Variants in C11orf21 observed in about 807,000 individuals in gnomAD.
C11orf21 encodes chromosome 11 open reading frame 21.
In C11orf21, 19 loss-of-function variants were observed where a neutral mutation model predicts 15.2. The ratio of observed to expected loss-of-function variants is 1.25; its 90% confidence interval spans 0.87 to 1.84. The LOEUF (loss-of-function observed/expected upper bound fraction) is 1.84. Among genes scored for constraint, C11orf21 ranks in the 40% most tolerant of loss-of-function variants. The pLI is 0.00. For synonymous variants in C11orf21, 62 were observed against 66.8 expected (o/e 0.93, Z 0.35); for missense variants, 171 against 174.4 (o/e 0.98, Z 0.11).
chr11:2,301,956 C>A, upstream of C11orf21: 1 of 1,499,048 alleles, frequency 6.7e-7, no homozygotes, highest in South Asian at 1.3e-5. Flanking sequence ...GAGCCAACCT[C>A]ACTGCCCCTC....
chr11:2,300,755 G>A (rs567409115), intron 1 of C11orf21, 142 bp from the exon 2 acceptor site: 1 of 1,550,862 alleles, frequency 6.4e-7, no homozygotes, highest in East Asian at 2.4e-5. Flanking sequence ...GGTCAAGGTT[G>A]GAGAGAGACA....
Position 2,300,627 on chromosome 11 carries a change from G to T in C11orf21, c.54-14C>A, listed in dbSNP as rs926889211. 56 of 1,550,584 alleles carry T rather than the reference G, an allele frequency of 3.6e-5. No homozygotes were observed. The highest frequency in any genetic ancestry group is 4.5e-5 in the Non-Finnish European group (52 of 1,146,850). On this transcript the variant is annotated splice_polypyrimidine_tract_variant and intron_variant, in intron 1 of 3. Coordinates refer to ENST00000381153, the MANE Select transcript of C11orf21 (RefSeq NM_001329958.2). ...CTGGGCACAGCGCTGGTGTGAGAAGGAGGCCATCAGGACAGGTCAAGAACC... is the reference window on the plus strand; with the variant it reads ...CTGGGCACAGCGCTGGTGTGAGAAGTAGGCCATCAGGACAGGTCAAGAACC...
Position 2,300,616 on chromosome 11 carries a change from G to A in C11orf21, c.54-3C>T. On this transcript the variant is annotated splice_region_variant and splice_polypyrimidine_tract_variant and intron_variant, in intron 1 of 3. Transcript: ENST00000381153. ...AGTGAGGCCACCTGGGCACAGCGCT[G>A]GTGTGAGAAGGAGGCCATCAGGACA... is the stretch of plus-strand genomic sequence containing the variant. 3 of 1,550,644 alleles carry A rather than the reference G, an allele frequency of 1.9e-6. No individual in the cohort carries two copies. Among genetic ancestry groups the A allele is most frequent in the Non-Finnish European group, 1.7e-6 (2 of 1,146,850 alleles).
chr11:2,300,818 G>C, intron 1 of C11orf21: 1 of 1,535,872 alleles, frequency 6.5e-7, no homozygotes. Flanking sequence ...CCCTGGAGAG[G>C]ACGGGCTGCC....
intron 1 of C11orf21, 59 bp downstream of exon 1, chr11:2,301,697 A>G: frequency 2.1e-6 from 3 of 1,396,828 alleles, no homozygotes; most frequent in Non-Finnish European, 2.9e-6. Flanking sequence ...AAATTCCTCC[A>G]AGGATTACGC....
Position 2,297,278 on chromosome 11 carries a change from GC to G in C11orf21, c.*671del. The G allele has an allele frequency of 6.5e-6, 1 of 152,798 alleles. No individual in the cohort carries two copies. Among genetic ancestry groups the G allele is most frequent in the Non-Finnish European group, 1.5e-5 (1 of 68,374 alleles). The allele number at this position is 152,798 out of a possible 1,614,324, so 9.5% of individuals were successfully genotyped here. On this transcript the variant is annotated 3_prime_UTR_variant, in exon 4 of 4. Coordinates refer to ENST00000381153, the MANE Select transcript of C11orf21 (RefSeq NM_001329958.2). Reference sequence around the variant, plus strand: ...TGGTGGGCTGTCAGCTCCTGCCTGGGCCCCGGCCTCTTGCCCCTGTCCCACC... The same window carrying G: ...TGGTGGGCTGTCAGCTCCTGCCTGGGCCCGGCCTCTTGCCCCTGTCCCACC...
chr11:2,302,636 C>T, upstream of C11orf21: 1 of 590,454 alleles, frequency 1.7e-6, no homozygotes, highest in Non-Finnish European at 3.0e-6. Context: ...ATGCGTCTAC[C>T]ATGTGGGGGT....
chr11:2,302,955 T>C, upstream of C11orf21: 2 of 1,612,756 alleles, frequency 1.2e-6, no homozygotes, highest in Non-Finnish European at 1.7e-6. Flanking sequence ...TGTGCACCAA[T>C]GGGGTAAGTG....
At position 2,296,597 on chromosome 11, in the gene C11orf21, G is replaced by A. The variant is rs1847530918; in HGVS notation, c.*1353C>T. 6.6e-6 allele frequency: 1 copy of A among 152,228 alleles called. No individual in the cohort carries two copies. The highest frequency in any genetic ancestry group is 2.1e-4 in the South Asian group (1 of 4,828). The allele number at this position is 152,228 out of a possible 1,614,324, so 9.4% of individuals were successfully genotyped here. On this transcript the variant is annotated 3_prime_UTR_variant, in exon 4 of 4. Transcript: ENST00000381153. The surrounding 1 kb of genome is among the most constrained non-coding windows in gnomAD (Gnocchi z 5.6). ...AAAGAAGAATAATGTAAATTTGTAG[G>A]AGTATGGCAAGGTCCTTCCTCAGGG...
At chr11:2,301,597 G>A (rs1319816410) in intron 1 of C11orf21, 159 bp downstream of exon 1, 6 of 631,926 alleles carry the variant, frequency 9.5e-6, no homozygotes, top group African/African-American at 3.7e-5. Context: ...TAAAACCAAC[G>A]ACCTTCTCAA....
chr11:2,301,574 C>A, intron 1 of C11orf21, 182 bp downstream of exon 1: 1 of 557,974 alleles, frequency 1.8e-6, no homozygotes, highest in Non-Finnish European at 3.1e-6. Context: ...ATGAGTGCCG[C>A]CCACGAAGGC....
intron 3 of C11orf21, among the ~76,000 whole-genome samples, chr11:2,298,389 A>G (rs1049485660): frequency 2.0e-5 from 3 of 152,174 alleles, no homozygotes; most frequent in Admixed American, 2.0e-4. Context: ...GCTGGTCATG[A>G]AACAGTCTCT....
At chr11:2,298,795 G>A (rs1012545680) in intron 3 of C11orf21, among the ~76,000 whole-genome samples, 2 of 152,170 alleles carry the variant, frequency 1.3e-5, no homozygotes, top group Admixed American at 6.5e-5. Context: ...CAGGTGTGGG[G>A]TCCCTTTAGA....
chr11:2,299,610 G>A lies in C11orf21; in HGVS notation c.245C>T (p.Pro82Leu). The change falls in exon 3 of 4, where the codon CCA becomes CTA. Residue 82 changes from proline to leucine, a missense_variant. By Grantham distance (98) the Pro-to-Leu change is moderately conservative. Coordinates refer to ENST00000381153, the MANE Select transcript of C11orf21 (RefSeq NM_001329958.2). ...PATAHEPVDH[P>L]ALHWLACCCC... Reference sequence around the variant, plus strand: ...GCAGCAGGCAAGCCAGTGCAGAGCTGGGTGATCCACAGGTTCATGAGCGGT... The same window carrying A: ...GCAGCAGGCAAGCCAGTGCAGAGCTAGGTGATCCACAGGTTCATGAGCGGT... The A allele has an allele frequency of 6.4e-7, 1 of 1,551,196 alleles. No individual in the cohort carries two copies. Among genetic ancestry groups the A allele is most frequent in the Non-Finnish European group, 8.7e-7 (1 of 1,146,984 alleles).
At chr11:2,301,456 A>G in intron 1 of C11orf21, 1 of 314,570 alleles carries the variant, frequency 3.2e-6, no homozygotes, top group Non-Finnish European at 6.0e-6. Flanking sequence ...GCTCGGTGTA[A>G]TTGCAAATTC....
upstream of C11orf21, chr11:2,303,029 T>G: frequency 7.2e-7 from 1 of 1,390,500 alleles, no homozygotes; most frequent in Non-Finnish European, 1.0e-6. Context: ...CGAGCCCAGC[T>G]GGACGCCTCA....
chr11:2,300,665 G>C (rs753965614), intron 1 of C11orf21, 52 bp from the exon 2 acceptor site: 50 of 1,549,810 alleles, frequency 3.2e-5, no homozygotes, highest in Non-Finnish European at 4.2e-5. Context: ...GGCCCGCCCT[G>C]CTCCGAAATT....
Position 2,300,502 on chromosome 11 carries a change from G to C in C11orf21, c.147+18C>G, listed in dbSNP as rs1231059919. On this transcript the variant is annotated intron_variant, in intron 2 of 3. Transcript: ENST00000381153. ...TGCCCCCGCTGGTGGGGCACAGTGA[G>C]GGGGGCTGTGGTCAGACCTGGTCTC... is the stretch of plus-strand genomic sequence containing the variant. 2.7e-6 allele frequency: 4 copies of C among 1,504,772 alleles called. No individual in the cohort carries two copies. Among genetic ancestry groups the C allele is most frequent in the East Asian group, 2.5e-5 (1 of 40,534 alleles). The allele number at this position is 1,504,772 out of a possible 1,614,324, so 93.2% of individuals were successfully genotyped here.
rs1847513808 is a variant in C11orf21 at position 2,295,987 on chromosome 11, G to A, written c.*1963C>T. 6.6e-6 allele frequency: 1 copy of A among 152,194 alleles called. No homozygotes were observed. The highest frequency in any genetic ancestry group is 1.5e-5 in the Non-Finnish European group (1 of 68,044). 9.4% of individuals were successfully genotyped at this position (152,194 alleles called of 1,614,324 possible). A position where few individuals can be genotyped will look rare whatever the true frequency, so the allele number is the denominator to read the frequency against. ...ATGCTTTGATTTGCCCCAGTGATCA[G>A]TAGTCATATCTGGAACAGCAGTTGC... On this transcript the variant is annotated 3_prime_UTR_variant, in exon 4 of 4. Transcript: ENST00000381153. This position sits in a 1 kb window ranked among gnomAD's most constrained non-coding sequence, Gnocchi z 5.4.
Sources: gnomAD v4.1 joint callset for allele counts (sites outside exome capture counted in the v4.1 genomes callset) on GRCh38, gnomAD v4.1.1 for gene constraint, Gnocchi (gnomAD v3.1) non-coding constraint, MANE v1.5 for transcripts, NCBI Gene and HGNC (gene_info 2026-07-23, HGNC 2026-07-21) for gene names.